Variants in ARHGAP45 observed in about 807,000 individuals in gnomAD.
The protein encoded by ARHGAP45 is rho GTPase-activating protein 45.
Under a neutral mutation model 116.1 loss-of-function variants are expected in ARHGAP45, and 56 were observed. That is an observed-to-expected ratio of 0.48 (90% CI 0.39 to 0.60). The LOEUF (loss-of-function observed/expected upper bound fraction) is 0.60. ARHGAP45 is among the 20% of genes least tolerant of loss of function. ARHGAP45 has a pLI of 0.00. For missense variants in ARHGAP45, 1,622 were observed against 1,601.0 expected, an observed-to-expected ratio of 1.01 and a Z score of -0.22; for synonymous variants, 866 against 701.7, an observed-to-expected ratio of 1.23 and a Z score of -3.70.
At chr19:1,074,946 C>T (rs1355767196) in intron 10 of ARHGAP45, 67 bp downstream of exon 10, 12 of 1,368,620 alleles carry the variant, frequency 8.8e-6, no homozygotes, top group Non-Finnish European at 1.1e-5. Context: ...AGTCCCAGCC[C>T]CAGCCCCATA....
At chr19:1,077,370 C>T (rs1011160682) in intron 10 of ARHGAP45, 22 of 994,210 alleles carry the variant, frequency 2.2e-5, no homozygotes, top group Middle Eastern at 5.1e-4. Flanking sequence ...TGCCTCCTCC[C>T]GTTCTTTTTT....
rs939443768 is a variant in ARHGAP45 at position 1,068,833 on chromosome 19, G to A, written c.421+89G>A. 11 of 1,284,990 alleles carry A rather than the reference G, an allele frequency of 8.6e-6. No individual in the cohort carries two copies. The African/African-American group carries it at 8.9e-5, about 10-fold the overall frequency. 79.6% of individuals were successfully genotyped at this position (1,284,990 alleles called of 1,614,324 possible). On this transcript the variant is annotated intron_variant, in intron 2 of 22. Coordinates refer to ENST00000313093, the MANE Select transcript of ARHGAP45 (RefSeq NM_012292.5). This position sits in a 1 kb window ranked among gnomAD's most constrained non-coding sequence, Gnocchi z 7.5. ...GGGAGGGACTTGGGGAGGCTCAGAAGGGAGGGAGGCTCAGATGGCAGGGAG... is the reference window on the plus strand; with the variant it reads ...GGGAGGGACTTGGGGAGGCTCAGAAAGGAGGGAGGCTCAGATGGCAGGGAG...
In ARHGAP45 at chr19:1,085,691, G is replaced by C; in HGVS notation, c.3096G>C (p.Ser1032=). The C allele has an allele frequency of 6.3e-7, 1 of 1,590,760 alleles. No homozygotes were observed. The highest frequency in any genetic ancestry group is 1.1e-5 in the South Asian group (1 of 89,654). The change falls in exon 23 of 23, where the codon TCG becomes TCC. Residue 1032 remains serine (S), a synonymous_variant. Transcript: ENST00000313093. ...ESRVVSNDSD[S]DLEEASELLS... ...GAGTTGTGTCCAACGATTCGGACTC[G>C]GACCTAGAGGAGGCCTCCGAGCTGC... is the stretch of plus-strand genomic sequence containing the variant.
At chr19:1,076,656 C>T (rs1255964231) in intron 10 of ARHGAP45, among the ~76,000 whole-genome samples, 1 of 152,034 alleles carries the variant, frequency 6.6e-6, no homozygotes, top group Non-Finnish European at 1.5e-5. Flanking sequence ...GCCAACATGC[C>T]TGGCTAATTT....
chr19:1,085,804 G>A lies in ARHGAP45; in HGVS notation c.3209G>A (p.Ser1070Asn). 4 of 1,612,858 alleles carry A rather than the reference G, an allele frequency of 2.5e-6. No homozygotes were observed. The highest frequency in any genetic ancestry group is 3.4e-6 in the Non-Finnish European group (4 of 1,179,906). Residue 1070 changes from serine (S) to asparagine (N), a missense_variant, in exon 23 of 23, where the codon AGC becomes AAC. By Grantham distance (46) the Ser-to-Asn change is conservative. Coordinates refer to ENST00000313093, the MANE Select transcript of ARHGAP45 (RefSeq NM_012292.5). Reference protein sequence around the residue: ...SEASLEVASGSHSGSEEQLEA... With the variant: ...SEASLEVASGNHSGSEEQLEA... Reference sequence around the variant, plus strand: ...GCCAGCCTAGAGGTGGCTTCTGGCAGCCACAGCGGCAGTGAGGAGCAGCTG... The same window carrying A: ...GCCAGCCTAGAGGTGGCTTCTGGCAACCACAGCGGCAGTGAGGAGCAGCTG...
At chr19:1,073,124 T>A in intron 2 of ARHGAP45, 25 bp from the exon 3 acceptor site, 1 of 1,594,616 alleles carries the variant, frequency 6.3e-7, no homozygotes, top group Non-Finnish European at 8.5e-7. Context: ...CCTACCCCAC[T>A]GCTCACTCCG....
chr19:1,080,197 A>G lies in ARHGAP45; in HGVS notation c.1704-58A>G, dbSNP rs1301111789. The G allele has an allele frequency of 1.9e-6, 3 of 1,610,320 alleles. No homozygotes were observed. The African/African-American group carries it at 4.0e-5, about 22-fold the overall frequency. On this transcript the variant is annotated intron_variant, in intron 13 of 22. Transcript: ENST00000313093. Reference sequence around the variant, plus strand: ...GGGCTTCCCTCTGTCGGGGGCATGAAGATGAAGCTGTCTTGCCCCCCATCA... The same window carrying G: ...GGGCTTCCCTCTGTCGGGGGCATGAGGATGAAGCTGTCTTGCCCCCCATCA...
At chr19:1,082,596 C>T (rs1219699539) in intron 19 of ARHGAP45, 10 of 529,742 alleles carry the variant, frequency 1.9e-5, no homozygotes, top group Admixed American at 7.4e-5. Context: ...GTTAGGGTAC[C>T]TGCAGGGCGG....
In ARHGAP45 at chr19:1,083,050, C is replaced by A. The variant is rs1158112569; in HGVS notation, c.2728C>A (p.Leu910Met). The change falls in exon 20 of 23, where the codon CTG becomes ATG. Residue 910 changes from leucine (L) to methionine (M), a missense_variant. Leu to Met is a conservative substitution (Grantham distance 15, BLOSUM62 2). Transcript: ENST00000313093. ...PENRASLQYL[L>M]RHLRRIVEVE... ...GAACCGGGCCTCGCTGCAGTACCTG[C>A]TGCGTCACCTACGCAGGTGAGTCCC... 6.5e-7 allele frequency: 1 copy of A among 1,547,258 alleles called. No homozygotes were observed. The highest frequency in any genetic ancestry group is 1.4e-5 in the African/African-American group (1 of 73,634).
chr19:1,075,264 C>T (rs1479977419), intron 10 of ARHGAP45, among the ~76,000 whole-genome samples: 7 of 131,712 alleles, frequency 5.3e-5, no homozygotes, highest in African/African-American at 2.0e-4. Context: ...GATACGGAGT[C>T]TCGCTCTGTC....
At chr19:1,084,200 G>C in intron 21 of ARHGAP45, 38 bp from the exon 22 acceptor site, 1 of 1,566,330 alleles carries the variant, frequency 6.4e-7, no homozygotes, top group Non-Finnish European at 8.8e-7. Context: ...GGAAAATGGA[G>C]CCCCGGCCCC....
At position 1,080,251 on chromosome 19, in the gene ARHGAP45, C is replaced by G; in HGVS notation, c.1704-4C>G. ...CCCCTCCTTTTCCCGGTTTCTTCCA[C>G]TAGGTCCCCCGTCATGCGTGCCCGG... On this transcript the variant is annotated splice_polypyrimidine_tract_variant and splice_region_variant and intron_variant, in intron 13 of 22. Coordinates refer to ENST00000313093, the MANE Select transcript of ARHGAP45 (RefSeq NM_012292.5). The G allele has an allele frequency of 1.2e-6, 2 of 1,612,548 alleles. No homozygotes were observed. The highest frequency in any genetic ancestry group is 1.7e-6 in the Non-Finnish European group (2 of 1,179,810).
Position 1,079,645 on chromosome 19 carries a change from G to A in ARHGAP45, c.1375-58G>A, listed in dbSNP as rs2043367580. On this transcript the variant is annotated intron_variant, in intron 11 of 22. Coordinates refer to ENST00000313093, the MANE Select transcript of ARHGAP45 (RefSeq NM_012292.5). ...TCAGCCCCGCCTCCCTGAGGTTTCTGTCTGAGTCCTGCACCCCGGGCTGAG... is the reference window on the plus strand; with the variant it reads ...TCAGCCCCGCCTCCCTGAGGTTTCTATCTGAGTCCTGCACCCCGGGCTGAG... The A allele has an allele frequency of 1.9e-6, 3 of 1,584,612 alleles. No individual in the cohort carries two copies. In the East Asian group the frequency reaches 6.8e-5, roughly 36 times the overall value.
intron 22 of ARHGAP45, among the ~76,000 whole-genome samples, chr19:1,084,566 C>T (rs140667601): frequency 1.1e-4 from 17 of 152,340 alleles, no homozygotes; most frequent in South Asian, 1.0e-3. Context: ...GTGCCTACCC[C>T]GCACTCAGAA....
chr19:1,082,022 G>A (rs2043452516), intron 19 of ARHGAP45, 61 bp downstream of exon 19: 1 of 1,569,404 alleles, frequency 6.4e-7, no homozygotes, highest in Non-Finnish European at 8.6e-7. Context: ...GCAGGAGGAG[G>A]CGGGGTGGGG....
intron 22 of ARHGAP45, among the ~76,000 whole-genome samples, chr19:1,085,229 G>A (rs2043571570): frequency 6.6e-6 from 1 of 152,152 alleles, no homozygotes; most frequent in Non-Finnish European, 1.5e-5. Context: ...GGCAAAGGGA[G>A]AGCTTGTGTC....
rs1599765037 is a variant in ARHGAP45 at position 1,079,693 on chromosome 19, C to T, written c.1375-10C>T. On this transcript the variant is annotated splice_polypyrimidine_tract_variant and intron_variant, in intron 11 of 22. Transcript: ENST00000313093. ...GAGGCCTCTCTCTGTGCGCCCCGCC[C>T]CCACCGCAGGCGGAGGAAGCTATGG... The T allele has an allele frequency of 1.2e-6, 2 of 1,612,198 alleles. No homozygotes were observed. Among genetic ancestry groups the T allele is most frequent in the East Asian group, 2.2e-5 (1 of 44,860 alleles).
rs1279364210 is a variant in ARHGAP45 at position 1,069,073 on chromosome 19, T to C, written c.421+329T>C. On this transcript the variant is annotated intron_variant, in intron 2 of 22. Transcript: ENST00000313093. The surrounding 1 kb of genome is among the most constrained non-coding windows in gnomAD (Gnocchi z 4.1). ...TGCATTTGGGGGCCAAGGTGTGGGG[T>C]GCCGCTGGTGTAGGATGAAGGCATG... Among the ~76,000 whole-genome samples, 1 of 151,724 alleles carries C rather than the reference T, an allele frequency of 6.6e-6. No individual in the cohort carries two copies. Among genetic ancestry groups the C allele is most frequent in the Non-Finnish European group, 1.5e-5 (1 of 67,952 alleles).
intron 11 of ARHGAP45, 43 bp from the exon 12 acceptor site, chr19:1,079,660 C>T: frequency 6.2e-7 from 1 of 1,606,680 alleles, no homozygotes; most frequent in South Asian, 1.1e-5. Context: ...AGTCCTGCAC[C>T]CCGGGCTGAG....
Sources: allele counts gnomAD v4.1 joint callset (sites outside exome capture counted in the v4.1 genomes callset), GRCh38; gene constraint gnomAD v4.1.1; non-coding constraint Gnocchi (gnomAD v3.1); transcripts MANE v1.5; gene names NCBI Gene and HGNC (gene_info 2026-07-23, HGNC 2026-07-21).